The following GSE1 variants were observed in gnomAD, a reference collection of about 807,000 sequenced individuals.
GSE1 encodes genetic suppressor element 1.
GSE1 carries 32 observed loss-of-function variants against 112.6 expected under a neutral mutation model. The ratio of observed to expected loss-of-function variants is 0.28; its 90% CI spans 0.21 to 0.38. The LOEUF (loss-of-function observed/expected upper bound fraction) is 0.38. Among genes scored for constraint, GSE1 ranks in the 10% least tolerant of loss-of-function variants. GSE1 has a pLI of 1.00. For synonymous variants in GSE1, 1,115 were observed against 735.6 expected, an observed-to-expected ratio of 1.52 and a Z score of -8.35; for missense variants, 2,348 against 1,699.2, an observed-to-expected ratio of 1.38 and a Z score of -6.71.
At chr16:85,288,084 A>G (rs1222280787) in intron 1 of GSE1, among the ~76,000 whole-genome samples, 2 of 152,146 alleles carry the variant, frequency 1.3e-5, no homozygotes, top group African/African-American at 4.8e-5. Flanking sequence ...TACTAAAAAT[A>G]TAAAAATTAG....
chr16:85,202,971 C>G (rs995334721), intron 1 of GSE1, among the ~76,000 whole-genome samples: 4 of 150,186 alleles, frequency 2.7e-5, no homozygotes, highest in African/African-American at 9.8e-5. Flanking sequence ...TCCTCCCCCT[C>G]CCTCCCCACC....
intron 2 of GSE1, among the ~76,000 whole-genome samples, chr16:85,423,495 C>T (rs943559992): frequency 2.0e-5 from 3 of 152,174 alleles, no homozygotes; most frequent in Non-Finnish European, 4.4e-5. Context: ...TTAAAGCTGG[C>T]GATTCCAGTG....
intron 1 of GSE1, among the ~76,000 whole-genome samples, chr16:85,624,356 C>T (rs148914204): frequency 6.6e-6 from 1 of 152,304 alleles, no homozygotes; most frequent in African/African-American, 2.4e-5. Flanking sequence ...ACACAGGGCA[C>T]CCGGGGGCGG....
chr16:85,455,379 AAAAG>A (rs1319430336), intron 2 of GSE1, among the ~76,000 whole-genome samples: 4 of 150,738 alleles, frequency 2.7e-5, no homozygotes, highest in Non-Finnish European at 5.9e-5. Flanking sequence ...CTGGCATTAC[AAAAG>A]AGAGAGAGAG....
chr16:85,415,853 G>A (rs763733793), intron 2 of GSE1, among the ~76,000 whole-genome samples: 5 of 152,218 alleles, frequency 3.3e-5, no homozygotes, highest in Non-Finnish European at 7.3e-5. Flanking sequence ...GGCTTTGCAA[G>A]GAGACAGTTA....
chr16:85,653,934 C>T (rs769835807), intron 3 of GSE1, among the ~76,000 whole-genome samples: 4 of 152,114 alleles, frequency 2.6e-5, no homozygotes, highest in Non-Finnish European at 4.4e-5. Context: ...ATGTCCACAC[C>T]AGGAGGGGTG....
intron 1 of GSE1, among the ~76,000 whole-genome samples, chr16:85,595,984 T>C (rs1217913348): frequency 1.3e-5 from 1 of 75,152 alleles, no homozygotes; most frequent in African/African-American, 5.4e-5. Context: ...ATCCACCCAC[T>C]CATTCCTCCA....
chr16:85,656,483 G>A lies in GSE1; in HGVS notation c.1130G>A (p.Arg377His), dbSNP rs746883232. 7.8e-6 allele frequency: 12 copies of A among 1,542,040 alleles called. No individual in the cohort carries two copies. The highest frequency in any genetic ancestry group is 4.9e-5 in the East Asian group (2 of 40,840). Residue 377 changes from arginine to histidine, a missense_variant, in exon 7 of 16, where the codon CGT becomes CAT. Arg to His is a conservative substitution (Grantham distance 29, BLOSUM62 0). Transcript: ENST00000253458. ...KEREQEKEREREKERERELER... is the reference protein window; with the variant it reads ...KEREQEKEREHEKERERELER... ...CGCGAGCAAGAGAAGGAGCGTGAGCGTGAGAAGGAGCGCGAGCGCGAGCTG... is the reference window on the plus strand; with the variant it reads ...CGCGAGCAAGAGAAGGAGCGTGAGCATGAGAAGGAGCGCGAGCGCGAGCTG...
chr16:85,269,090 C>G (rs1908564923), intron 1 of GSE1, among the ~76,000 whole-genome samples: 1 of 149,352 alleles, frequency 6.7e-6, no homozygotes, highest in African/African-American at 2.4e-5. Flanking sequence ...GATGGACAAA[C>G]CGAGCATCAA....
chr16:85,183,909 T>C (rs774359685), intron 1 of GSE1, among the ~76,000 whole-genome samples: 18 of 152,160 alleles, frequency 1.2e-4, no homozygotes, highest in Non-Finnish European at 2.4e-4. Context: ...TTCACAGAGA[T>C]GTCATGAGGG....
chr16:85,448,994 C>G (rs1011043495), intron 2 of GSE1, among the ~76,000 whole-genome samples: 1 of 152,178 alleles, frequency 6.6e-6, no homozygotes, highest in Non-Finnish European at 1.5e-5. Flanking sequence ...AGCCCTCACT[C>G]GCCTGAGCAG....
intron 1 of GSE1, among the ~76,000 whole-genome samples, chr16:85,270,993 G>A (rs557651563): frequency 7.2e-5 from 11 of 152,116 alleles, no homozygotes; most frequent in South Asian, 2.1e-4. Context: ...AATCTCCCCC[G>A]TCTCACTGAG....
At chr16:85,420,116 G>A (rs890511180) in intron 2 of GSE1, among the ~76,000 whole-genome samples, 9 of 152,118 alleles carry the variant, frequency 5.9e-5, no homozygotes, top group South Asian at 4.1e-4. Flanking sequence ...CAGACGGGTG[G>A]TGGCTCATGC....
chr16:85,635,738 C>T (rs1476662855), intron 2 of GSE1, among the ~76,000 whole-genome samples: 1 of 152,210 alleles, frequency 6.6e-6, no homozygotes, highest in Non-Finnish European at 1.5e-5. Context: ...GCTACCTGGG[C>T]TGGGTTATCC....
chr16:85,331,359 G>GTGTGTATATATGTATATATATGTATATA (rs2046340216), intron 1 of GSE1, among the ~76,000 whole-genome samples: 66 of 54,500 alleles, frequency 1.2e-3, no homozygotes, highest in African/African-American at 3.3e-3. Flanking sequence ...GTGTGTGTGT[G>GTGTGTATATATGTATATATATGTATATA]TGTGTGTATA....
chr16:85,461,509 G>C (rs569462974), intron 2 of GSE1, among the ~76,000 whole-genome samples: 2 of 152,132 alleles, frequency 1.3e-5, no homozygotes, highest in Non-Finnish European at 2.9e-5. Context: ...CCCACGCAAG[G>C]GGGGGAGGGG....
chr16:85,558,317 C>G (rs1011290269), intron 1 of GSE1, among the ~76,000 whole-genome samples: 1 of 152,208 alleles, frequency 6.6e-6, no homozygotes, highest in East Asian at 1.9e-4. Flanking sequence ...GCAGCTATGC[C>G]TGCCTTGGAG....
chr16:85,577,047 G>A (rs1406324021), intron 1 of GSE1, among the ~76,000 whole-genome samples: 1 of 152,074 alleles, frequency 6.6e-6, no homozygotes, highest in African/African-American at 2.4e-5. Context: ...CCAAGCACCC[G>A]GCCAGGGGCA....
intron 1 of GSE1, among the ~76,000 whole-genome samples, chr16:85,269,547 A>G (rs1196714699): frequency 6.7e-6 from 1 of 149,216 alleles, no homozygotes; most frequent in African/African-American, 2.4e-5. Flanking sequence ...CACAGTGCAA[A>G]TGGCCTGTGG....
Sources: allele counts gnomAD v4.1 joint callset (sites outside exome capture counted in the v4.1 genomes callset), GRCh38; gene constraint gnomAD v4.1.1; transcripts MANE v1.5; gene names NCBI Gene and HGNC (gene_info 2026-07-23, HGNC 2026-07-21).